RARB: variants seen among roughly 807,000 people sequenced by gnomAD.
RARB encodes the protein retinoic acid receptor beta.
A neutral mutation model predicts 51.9 loss-of-function variants in RARB; 17 were observed. That is an observed-to-expected ratio of 0.33 (90% CI 0.22 to 0.49). RARB has a LOEUF of 0.49. Among genes scored for constraint, RARB ranks in the 20% least tolerant of loss-of-function variants. The pLI is 0.99. For synonymous variants in RARB, 215 were observed against 195.4 expected (o/e 1.10, Z -0.84); for missense variants, 369 against 550.8 (o/e 0.67, Z 3.30).
chr3:25,449,118 C>T (rs1709078593), intron 1 of RARB, among the ~76,000 whole-genome samples: 2 of 152,044 alleles, frequency 1.3e-5, no homozygotes. Context: ...CCTCTGCCTC[C>T]CCGAAGAGCC....
chr3:24,924,940 C>T (rs142753543), intron 2 of RARB, among the ~76,000 whole-genome samples: 3 of 152,184 alleles, frequency 2.0e-5, no homozygotes, highest in African/African-American at 7.2e-5. Flanking sequence ...ATGGTGAATA[C>T]GTGGTAGTCA....
intron 4 of RARB, among the ~76,000 whole-genome samples, chr3:25,151,466 C>G (rs930828831): frequency 6.6e-6 from 1 of 152,184 alleles, no homozygotes; most frequent in African/African-American, 2.4e-5. Context: ...TCTTGTAATA[C>G]TTTTCCTTTA....
intron 2 of RARB, among the ~76,000 whole-genome samples, chr3:25,041,104 G>A (rs575646158): frequency 2.6e-5 from 4 of 152,288 alleles, no homozygotes; most frequent in South Asian, 4.1e-4. Context: ...AAAATGGTGG[G>A]CAGAGGGATT....
At chr3:25,347,269 A>G (rs1262839283) in intron 5 of RARB, among the ~76,000 whole-genome samples, 1 of 152,148 alleles carries the variant, frequency 6.6e-6, no homozygotes, top group Non-Finnish European at 1.5e-5. Flanking sequence ...AAATGATGCA[A>G]TGTGGAATGC....
At chr3:25,002,361 AT>A (rs1398878257) in intron 2 of RARB, among the ~76,000 whole-genome samples, 2 of 152,242 alleles carry the variant, frequency 1.3e-5, no homozygotes, top group East Asian at 3.9e-4. Context: ...CACACACTGT[AT>A]CCCCAGTGCT....
chr3:25,027,818 T>C (rs2125288429), intron 2 of RARB, among the ~76,000 whole-genome samples: 1 of 152,288 alleles, frequency 6.6e-6, no homozygotes, highest in Admixed American at 6.5e-5. Context: ...CTGCTTTCAC[T>C]TCAGTAGTAA....
chr3:25,494,259 A>ACGCACGCGTGCGCACT (rs150184798), intron 2 of RARB, among the ~76,000 whole-genome samples: 1 of 147,414 alleles, frequency 6.8e-6, no homozygotes. Flanking sequence ...TTACGCACAC[A>ACGCACGCGTGCGCACT]CACACACACA....
intron 5 of RARB, among the ~76,000 whole-genome samples, chr3:25,401,582 G>A (rs867504750): frequency 3.3e-5 from 5 of 152,090 alleles, no homozygotes; most frequent in Admixed American, 1.3e-4. Flanking sequence ...CTTTATTAAA[G>A]AATCAAATAG....
chr3:25,406,793 C>T (rs1481822789), intron 5 of RARB, among the ~76,000 whole-genome samples: 1 of 152,144 alleles, frequency 6.6e-6, no homozygotes, highest in African/African-American at 2.4e-5. Context: ...ATGGCAGAGG[C>T]CACAGCCACT....
Position 25,569,838 on chromosome 3 carries a change from T to G in RARB, c.529T>G (p.Leu177Val). The change falls in exon 4 of 8, where the codon TTG becomes GTG. Residue 177 changes from leucine (L) to valine (V), a missense_variant. Transcript: ENST00000330688. ...AGAGAGCTATGAAATGACAGCTGAG[T>G]TGGACGATCTCACAGAGAAGATCCG... The part of the protein sequence containing the change: ...CTESYEMTAE[L>V]DDLTEKIRKA... 6.2e-7 allele frequency: 1 copy of G among 1,614,142 alleles called. No homozygotes were observed. Among genetic ancestry groups the G allele is most frequent in the Non-Finnish European group, 8.5e-7 (1 of 1,180,016 alleles).
At chr3:25,145,132 A>C (rs911217679) in intron 4 of RARB, among the ~76,000 whole-genome samples, 1 of 152,138 alleles carries the variant, frequency 6.6e-6, no homozygotes, top group African/African-American at 2.4e-5. Context: ...CAGTTGCTTT[A>C]TTGGCTCCCT....
chr3:25,078,838 G>A (rs1698930740), intron 3 of RARB, among the ~76,000 whole-genome samples: 5 of 152,036 alleles, frequency 3.3e-5, no homozygotes, highest in Admixed American at 3.3e-4. Context: ...GCTGAACTTT[G>A]TATTTCTATT....
chr3:25,468,770 C>T (rs1298730500), intron 2 of RARB, among the ~76,000 whole-genome samples: 1 of 152,240 alleles, frequency 6.6e-6, no homozygotes, highest in African/African-American at 2.4e-5. Flanking sequence ...GGCAGTCAGT[C>T]TTTCCCAAGA....
chr3:25,268,767 T>A (rs1377489465), intron 5 of RARB, among the ~76,000 whole-genome samples: 1 of 152,164 alleles, frequency 6.6e-6, no homozygotes, highest in Non-Finnish European at 1.5e-5. Flanking sequence ...GCCTGACAAC[T>A]CTAACATGTC....
At chr3:24,843,784 A>T (rs1702449906) in intron 1 of RARB, among the ~76,000 whole-genome samples, 1 of 152,220 alleles carries the variant, frequency 6.6e-6, no homozygotes, top group Non-Finnish European at 1.5e-5. Flanking sequence ...TGCACAGCCA[A>T]GTTTGAGAAG....
intron 5 of RARB, among the ~76,000 whole-genome samples, chr3:25,184,093 A>G (rs1700921283): frequency 6.6e-6 from 1 of 152,002 alleles, no homozygotes; most frequent in African/African-American, 2.4e-5. Flanking sequence ...AATCAGATGA[A>G]TCAAACTTAA....
At chr3:25,232,010 GT>G (rs201182088) in intron 5 of RARB, among the ~76,000 whole-genome samples, 5,092 of 151,834 alleles carry the variant, frequency 0.034, 122 homozygotes, top group Middle Eastern at 0.051. Context: ...AAGTGATAAA[GT>G]TTTATGCTTA....
intron 2 of RARB, among the ~76,000 whole-genome samples, chr3:24,986,190 A>G (rs1403015788): frequency 6.6e-6 from 1 of 152,228 alleles, no homozygotes; most frequent in Non-Finnish European, 1.5e-5. Context: ...TGTTCCTGCC[A>G]TGTACTAAGG....
At chr3:25,008,745 C>T (rs1697330299) in intron 2 of RARB, among the ~76,000 whole-genome samples, 1 of 152,090 alleles carries the variant, frequency 6.6e-6, no homozygotes, top group African/African-American at 2.4e-5. Flanking sequence ...CCTTCCCTAT[C>T]TCCTCAACCC....
Sources: allele counts gnomAD v4.1 joint callset (sites outside exome capture counted in the v4.1 genomes callset), GRCh38; gene constraint gnomAD v4.1.1; transcripts MANE v1.5; gene names NCBI Gene and HGNC (gene_info 2026-07-23, HGNC 2026-07-21).